The following DDO variants were observed in gnomAD, a reference collection of about 807,000 sequenced individuals.
DDO encodes the protein D-aspartate oxidase, DDO.
In DDO, 16 loss-of-function variants were observed where a neutral mutation model predicts 16.8. The observed-to-expected ratio is 0.95, with a 90% CI of 0.65 to 1.45. DDO has a LOEUF of 1.45. Ranked by LOEUF, DDO falls within the 40% of genes most tolerant of loss-of-function variation. The pLI is 0.00. For missense variants in DDO, 429 were observed against 420.3 expected (o/e 1.02, Z -0.18); for synonymous variants, 180 against 167.2 (o/e 1.08, Z -0.59).
At chr6:110,403,927 T>C (rs1051305763) in intron 4 of DDO, among the ~76,000 whole-genome samples, 12 of 152,266 alleles carry the variant, frequency 7.9e-5, no homozygotes, top group African/African-American at 2.2e-4. Flanking sequence ...TAATGAATTA[T>C]ATGAATCAAT....
At chr6:110,407,826 A>G (rs1331881321) in intron 3 of DDO, among the ~76,000 whole-genome samples, 1 of 152,248 alleles carries the variant, frequency 6.6e-6, no homozygotes, top group African/African-American at 2.4e-5. Flanking sequence ...GAAGTGTGCT[A>G]ACAGTTTCAG....
At chr6:110,410,367 A>G (rs1773812139) in intron 2 of DDO, among the ~76,000 whole-genome samples, 1 of 152,252 alleles carries the variant, frequency 6.6e-6, no homozygotes, top group African/African-American at 2.4e-5. Flanking sequence ...CAGGCAAGGG[A>G]GAGCCTGGAA....
intron 3 of DDO, among the ~76,000 whole-genome samples, chr6:110,405,874 G>A (rs1773636339): frequency 6.6e-6 from 1 of 151,904 alleles, no homozygotes; most frequent in African/African-American, 2.4e-5. Context: ...TTGCGCTCCA[G>A]CCTAGACGAG....
At chr6:110,398,857 C>T (rs1451999432) in intron 4 of DDO, among the ~76,000 whole-genome samples, 1 of 152,154 alleles carries the variant, frequency 6.6e-6, no homozygotes, top group East Asian at 1.9e-4. Context: ...CAGCATAGGG[C>T]CTCCTTGGGG....
downstream of DDO, chr6:110,388,942 TGAA>T (rs1204500314): frequency 2.6e-6 from 1 of 389,602 alleles, no homozygotes; most frequent in Non-Finnish European, 3.5e-6. Context: ...TTGAAGTAAA[TGAA>T]GATAAGCTGT....
intron 3 of DDO, 105 bp from the exon 4 acceptor site, chr6:110,405,055 G>T: frequency 2.6e-6 from 3 of 1,171,116 alleles, no homozygotes; most frequent in Non-Finnish European, 3.6e-6. Context: ...TTTTATTTTT[G>T]AGACAGAGTC....
At chr6:110,415,176 T>C (rs1445716537) in intron 1 of DDO, among the ~76,000 whole-genome samples, 1 of 152,224 alleles carries the variant, frequency 6.6e-6, no homozygotes, top group African/African-American at 2.4e-5. Flanking sequence ...GGGGGCCAGC[T>C]TGAGTAGAGC....
chr6:110,390,043 G>A (rs1170777892), downstream of DDO, among the ~76,000 whole-genome samples: 1 of 152,228 alleles, frequency 6.6e-6, no homozygotes, highest in Non-Finnish European at 1.5e-5. Flanking sequence ...CTGATAGCCA[G>A]CAAGGTGATT....
At chr6:110,396,168 T>C (rs1773285218) in intron 4 of DDO, among the ~76,000 whole-genome samples, 1 of 152,264 alleles carries the variant, frequency 6.6e-6, no homozygotes, top group African/African-American at 2.4e-5. Flanking sequence ...AGCCACAGGC[T>C]GTCATCTCAG....
Position 110,392,846 on chromosome 6 carries a change from G to A in DDO, c.955C>T (p.Leu319=), listed in dbSNP as rs762836130. The A allele has an allele frequency of 2.6e-5, 42 of 1,613,492 alleles. No homozygotes were observed. The East Asian group carries it at 9.4e-4, about 36-fold the overall frequency. Residue 319 remains leucine, a synonymous_variant, in exon 5 of 5, where the codon CTG becomes TTG. Transcript: ENST00000368924. The stretch of plus-strand genomic sequence containing the variant: ...TCGCTCACCAGCCTGGCGGCCTCCA[G>A]AGCAGTGCCCCAGTGCACTGAGATG... ...GGISVHWGTA[L]EAARLVSECV...
rs1309935639 is a variant in DDO, at chr6:110,392,366, T to C, written c.*409A>G. ...CTTCCAACATTCATATAAATCTGCA[T>C]AGGTCCTTGGACATCAGTTCTAAAT... On this transcript the variant is annotated 3_prime_UTR_variant, in exon 5 of 5. Transcript: ENST00000368924. 3.0e-6 allele frequency: 3 copies of C among 988,888 alleles called. No homozygotes were observed. Among genetic ancestry groups the C allele is most frequent in the East Asian group, 2.2e-4 (2 of 8,930 alleles). The allele number at this position is 988,888 out of a possible 1,614,324, so 61.3% of individuals were successfully genotyped here.
chr6:110,400,338 C>A (rs912457574), intron 4 of DDO, among the ~76,000 whole-genome samples: 1 of 107,686 alleles, frequency 9.3e-6, no homozygotes, highest in African/African-American at 4.1e-5. Context: ...TGCGCAGGAG[C>A]GGGCCGGGGC....
Position 110,392,933 on chromosome 6 carries a change from G to C in DDO, c.868C>G (p.Leu290Val). The C allele has an allele frequency of 6.2e-7, 1 of 1,614,228 alleles. No individual in the cohort carries two copies. Residue 290 changes from leucine to valine, a missense_variant, in exon 5 of 5, where the codon CTC becomes GTC. By Grantham distance (32) the Leu-to-Val change is conservative. Transcript: ENST00000368924. Reference protein sequence around the residue: ...YRPGVRLQTELLARDGQRLPV... With the variant: ...YRPGVRLQTEVLARDGQRLPV... Reference sequence around the variant, plus strand: ...AGCCTCTGTCCATCTCGCGCAAGGAGCTCTGTCTGCAGTCGCACGCCTGGC... The same window carrying C: ...AGCCTCTGTCCATCTCGCGCAAGGACCTCTGTCTGCAGTCGCACGCCTGGC...
intron 2 of DDO, 126 bp from the exon 3 acceptor site, chr6:110,408,568 G>A: frequency 5.4e-6 from 4 of 744,218 alleles, no homozygotes; most frequent in South Asian, 1.8e-5. Context: ...TAAGGAGGCA[G>A]GGAGGAACAT....
chr6:110,403,014 A>T lies in DDO; in HGVS notation c.458+1760T>A, dbSNP rs909926628. On this transcript the variant is annotated intron_variant, in intron 4 of 4. Transcript: ENST00000368924. ...CCACACAATGGACTTGGTGGCAATA[A>T]TGAAACTTCAGCCCAAACCACTAAT... Among the ~76,000 whole-genome samples the T allele has an allele frequency of 2.0e-5, 3 of 152,202 alleles. No individual in the cohort carries two copies. In the South Asian group the frequency reaches 6.2e-4, roughly 32 times the overall value.
intron 1 of DDO, 121 bp from the exon 2 acceptor site, chr6:110,413,587 T>TG: frequency 1.0e-6 from 1 of 970,392 alleles, no homozygotes; most frequent in South Asian, 1.7e-5. Context: ...CTTAGCCTAT[T>TG]GGTGTTTCTT....
In DDO at chr6:110,393,154, C is replaced by T. The variant is rs147072212; in HGVS notation, c.647G>A (p.Arg216Gln). Residue 216 changes from arginine (R) to glutamine (Q), a missense_variant, in exon 5 of 5, where the codon CGA becomes CAA. Transcript: ENST00000368924. ...AATATATGTCAGCCCACTGCCATCT[C>T]GGATAAAATGCTCCACCCAGGGAGC... ...VQAPWVEHFIRDGSGLTYIYP... is the reference protein window; with the variant it reads ...VQAPWVEHFIQDGSGLTYIYP... 2.4e-4 allele frequency: 383 copies of T among 1,614,180 alleles called. 1 individual carries two copies. In the African/African-American group the frequency reaches 4.1e-3, roughly 17 times the overall value.
downstream of DDO, among the ~76,000 whole-genome samples, chr6:110,390,493 C>T (rs1465911835): frequency 6.6e-6 from 1 of 152,218 alleles, no homozygotes; most frequent in East Asian, 1.9e-4. Context: ...TCAGGGCATG[C>T]AGCCACAACC....
chr6:110,405,044 A>G, intron 3 of DDO, 94 bp from the exon 4 acceptor site: 1 of 1,258,764 alleles, frequency 7.9e-7, no homozygotes, highest in South Asian at 1.5e-5. Context: ...CATTTATTTT[A>G]TTTTATTTTT....
Sources: gnomAD v4.1 joint callset for allele counts (sites outside exome capture counted in the v4.1 genomes callset) on GRCh38, gnomAD v4.1.1 for gene constraint, MANE v1.5 for transcripts, NCBI Gene and HGNC (gene_info 2026-07-23, HGNC 2026-07-21) for gene names.